Variants in LRP1B observed in about 807,000 individuals in gnomAD.
LRP1B encodes LDL receptor related protein 1B, also known as low-density lipoprotein receptor-related protein 1B.
A neutral mutation model predicts 556.6 loss-of-function variants in LRP1B; 217 were observed. That is an observed-to-expected ratio of 0.39 (90% CI 0.35 to 0.44). The LOEUF is 0.44. Ranked by LOEUF, LRP1B falls within the 20% of genes least tolerant of loss-of-function variation. The pLI is 1.00. For missense variants in LRP1B, 5,053 were observed against 5,620.8 expected (o/e 0.90, Z 3.23); for synonymous variants, 2,047 against 1,865.8 (o/e 1.10, Z -2.50).
chr2:140,819,081 A>G (rs1691228650), intron 31 of LRP1B, among the ~76,000 whole-genome samples: 1 of 152,118 alleles, frequency 6.6e-6, no homozygotes, highest in African/African-American at 2.4e-5. Context: ...TATTTCTGGC[A>G]GCCTTGCCCT....
At chr2:141,536,015 T>C (rs1206755378) in intron 2 of LRP1B, among the ~76,000 whole-genome samples, 2 of 152,180 alleles carry the variant, frequency 1.3e-5, no homozygotes, top group Admixed American at 6.6e-5. Flanking sequence ...CATACAAAAA[T>C]AGAATGCTCA....
Position 140,239,537 on chromosome 2 carries a change from AAAAT to A in LRP1B, c.13325-9_13325-6del, listed in dbSNP as rs1680859193. The A allele has an allele frequency of 6.3e-7, 1 of 1,578,136 alleles. No individual in the cohort carries two copies. Among genetic ancestry groups the A allele is most frequent in the African/African-American group, 1.4e-5 (1 of 73,536 alleles). On this transcript the variant is annotated splice_polypyrimidine_tract_variant and splice_region_variant and intron_variant, in intron 87 of 90. Coordinates refer to ENST00000389484, the MANE Select transcript of LRP1B (RefSeq NM_018557.3). ...GCACAATGATGGCAATGCTTCCTGGAAAATAAATGAGTGAATAGATGAAGAAATA... is the reference window on the plus strand; with the variant it reads ...GCACAATGATGGCAATGCTTCCTGGAAAATGAGTGAATAGATGAAGAAATA...
intron 2 of LRP1B, among the ~76,000 whole-genome samples, chr2:141,751,504 C>G (rs1469674642): frequency 6.6e-6 from 1 of 151,982 alleles, no homozygotes. Context: ...ATCTCCAAGG[C>G]CTGGAGGTTA....
At chr2:140,284,310 A>G (rs201276730) in intron 84 of LRP1B, among the ~76,000 whole-genome samples, 1 of 109,540 alleles carries the variant, frequency 9.1e-6, no homozygotes. Flanking sequence ...CTCCCCCCCA[A>G]AAAAAAACCG....
At chr2:141,840,287 G>A (rs1270133469) in intron 1 of LRP1B, among the ~76,000 whole-genome samples, 3 of 115,330 alleles carry the variant, frequency 2.6e-5, no homozygotes, top group East Asian at 2.3e-4. Flanking sequence ...TTTTTGAGAC[G>A]GAATCTCGCT....
At chr2:140,426,090 G>A (rs1685639072) in intron 66 of LRP1B, among the ~76,000 whole-genome samples, 1 of 152,190 alleles carries the variant, frequency 6.6e-6, no homozygotes, top group Admixed American at 6.5e-5. Context: ...GGGATACACT[G>A]ACAGTATCCT....
chr2:141,178,598 G>C lies in LRP1B; in HGVS notation c.1013+9823C>G, dbSNP rs191294870. Reference sequence around the variant, plus strand: ...TGAGGGAAAAGATATTTAAATATTTGGTAGCCAGAAGAGAAGATTTTGCAG... The same window carrying C: ...TGAGGGAAAAGATATTTAAATATTTCGTAGCCAGAAGAGAAGATTTTGCAG... On this transcript the variant is annotated intron_variant, in intron 7 of 90. Transcript: ENST00000389484. Among the ~76,000 whole-genome samples the C allele has an allele frequency of 4.6e-5, 7 of 152,136 alleles. No individual in the cohort carries two copies. In the East Asian group the frequency reaches 1.2e-3, roughly 25 times the overall value.
intron 3 of LRP1B, among the ~76,000 whole-genome samples, chr2:141,265,524 T>C (rs1443300785): frequency 6.6e-6 from 1 of 152,176 alleles, no homozygotes; most frequent in Non-Finnish European, 1.5e-5. Flanking sequence ...AATTTGTTCT[T>C]TCTACTGAAC....
chr2:140,855,493 G>GGAAAAAAAAAAAAAAAAAAAAAA lies in LRP1B; in HGVS notation c.4580-3711_4580-3710insTTTTTTTTTTTTTTTTTTTTTTC, dbSNP rs570169727. Among the ~76,000 whole-genome samples, 89 of 99,398 alleles carry GGAAAAAAAAAAAAAAAAAAAAAA rather than the reference G, an allele frequency of 9.0e-4. 10 individuals carry two copies. In the East Asian group the frequency reaches 9.0e-3, roughly 10 times the overall value. The allele number at this position is 99,398 out of a possible 152,430, so 65.2% of individuals were successfully genotyped here. ...GACAGGTAGGTCCCATCTCTACTGG[G>GGAAAAAAAAAAAAAAAAAAAAAA]AAAAAAAAAAAATTTGAATGGCTTC... is the stretch of plus-strand genomic sequence containing the variant. On this transcript the variant is annotated intron_variant, in intron 27 of 90. Coordinates refer to ENST00000389484, the MANE Select transcript of LRP1B (RefSeq NM_018557.3).
intron 7 of LRP1B, among the ~76,000 whole-genome samples, chr2:141,177,828 G>C (rs1249422): frequency 1 from 151,917 of 152,198 alleles, 75,818 homozygotes; most frequent in Middle Eastern, 1. Flanking sequence ...GTTTAAGCAA[G>C]AAAAGTTCAA....
At chr2:141,832,683 A>G (rs1475177203) in intron 1 of LRP1B, among the ~76,000 whole-genome samples, 4 of 151,806 alleles carry the variant, frequency 2.6e-5, no homozygotes, top group Non-Finnish European at 4.4e-5. Flanking sequence ...GGATGTAAAT[A>G]ATAATTAAGA....
At chr2:140,907,832 G>A (rs371107276) in intron 22 of LRP1B, 45 bp downstream of exon 22, 6 of 1,526,014 alleles carry the variant, frequency 3.9e-6, no homozygotes, top group Middle Eastern at 1.7e-4. Context: ...GAACTAAAAG[G>A]TTGTAGTTTT....
intron 1 of LRP1B, among the ~76,000 whole-genome samples, chr2:141,817,177 G>A (rs1179579049): frequency 1.3e-5 from 2 of 152,086 alleles, no homozygotes; most frequent in African/African-American, 4.8e-5. Context: ...CCACACTTCT[G>A]AGATAGTCAG....
chr2:140,388,046 C>G (rs1271486080), intron 66 of LRP1B, among the ~76,000 whole-genome samples: 1 of 151,542 alleles, frequency 6.6e-6, no homozygotes, highest in Non-Finnish European at 1.5e-5. Context: ...AAGTGATTCT[C>G]CTGCCTCAGC....
intron 1 of LRP1B, among the ~76,000 whole-genome samples, chr2:142,113,141 C>T (rs1209426134): frequency 1.3e-5 from 2 of 151,994 alleles, no homozygotes; most frequent in Non-Finnish European, 2.9e-5. Flanking sequence ...AAGTGACTTG[C>T]CCAAGGACAA....
chr2:142,035,221 C>G (rs749401922), intron 1 of LRP1B, among the ~76,000 whole-genome samples: 9 of 151,706 alleles, frequency 5.9e-5, no homozygotes, highest in Non-Finnish European at 1.2e-4. Flanking sequence ...AGCTTCTCTA[C>G]AGCATGACAG....
chr2:141,142,988 G>A (rs1291252309), intron 7 of LRP1B, among the ~76,000 whole-genome samples: 1 of 140,756 alleles, frequency 7.1e-6, no homozygotes, highest in Non-Finnish European at 1.5e-5. Flanking sequence ...GAGTTCAATG[G>A]CGCGATCTCG....
intron 2 of LRP1B, among the ~76,000 whole-genome samples, chr2:141,708,247 A>C (rs1217766136): frequency 6.6e-6 from 1 of 152,134 alleles, no homozygotes; most frequent in Non-Finnish European, 1.5e-5. Flanking sequence ...AAACAAAATT[A>C]AATCTATTTA....
intron 31 of LRP1B, among the ~76,000 whole-genome samples, chr2:140,822,410 T>A (rs116152564): frequency 2.4e-3 from 365 of 152,340 alleles, no homozygotes; most frequent in African/African-American, 8.2e-3. Context: ...AGCATTTTCA[T>A]ATGATTATGA....
Sources: gnomAD v4.1 joint callset for allele counts (sites outside exome capture counted in the v4.1 genomes callset) on GRCh38, gnomAD v4.1.1 for gene constraint, MANE v1.5 for transcripts, NCBI Gene and HGNC (gene_info 2026-07-23, HGNC 2026-07-21) for gene names.